Variants in SHC3 observed in about 807,000 individuals in gnomAD.
SHC3 encodes SHC adaptor protein 3.
In SHC3, 15 loss-of-function variants were observed where a neutral mutation model predicts 60.4. That is an observed-to-expected ratio of 0.25 (90% CI 0.17 to 0.38). SHC3 has a LOEUF of 0.38. Among genes scored for constraint, SHC3 ranks in the 10% least tolerant of loss-of-function variants. The probability of loss-of-function intolerance (pLI) is 1.00; values close to 1 mark genes in which losing one functional copy is unlikely to be tolerated. For synonymous variants in SHC3, 294 were observed against 325.9 expected (o/e 0.90, Z 1.05); for missense variants, 677 against 786.1 (o/e 0.86, Z 1.66).
intron 2 of SHC3, among the ~76,000 whole-genome samples, chr9:89,108,352 A>C (rs1482007466): frequency 7.0e-6 from 1 of 142,558 alleles, no homozygotes; most frequent in East Asian, 2.0e-4. Context: ...ACCTCTACCA[A>C]AAAAAAAAAA....
At chr9:89,065,462 A>C (rs1394374080) in intron 6 of SHC3, 67 bp downstream of exon 6, 4 of 1,525,098 alleles carry the variant, frequency 2.6e-6, no homozygotes, top group Admixed American at 1.7e-5. Context: ...AACGAGGACC[A>C]GCTTGTATAG....
chr9:89,083,564 G>A (rs1825480292), intron 2 of SHC3, among the ~76,000 whole-genome samples: 1 of 152,324 alleles, frequency 6.6e-6, no homozygotes, highest in African/African-American at 2.4e-5. Flanking sequence ...GTGTAGACAG[G>A]CAGAAAGGGC....
intron 2 of SHC3, among the ~76,000 whole-genome samples, chr9:89,091,722 A>G (rs1450817250): frequency 2.0e-5 from 3 of 152,170 alleles, no homozygotes; most frequent in Non-Finnish European, 2.9e-5. Flanking sequence ...ATCTTCCCCA[A>G]CTGAACTCTG....
chr9:89,013,997 G>C (rs542072148), intron 11 of SHC3, among the ~76,000 whole-genome samples: 4 of 152,060 alleles, frequency 2.6e-5, no homozygotes, highest in African/African-American at 9.7e-5. Flanking sequence ...GACATCTCCC[G>C]GCCCAGAATT....
chr9:89,027,901 C>CA (rs1826347895), intron 11 of SHC3, among the ~76,000 whole-genome samples: 3 of 152,218 alleles, frequency 2.0e-5, no homozygotes, highest in Admixed American at 2.0e-4. Context: ...AGCCAGGCTG[C>CA]AGAAAGACCA....
intron 7 of SHC3, among the ~76,000 whole-genome samples, chr9:89,051,263 A>G (rs1015071046): frequency 6.6e-6 from 1 of 152,232 alleles, no homozygotes; most frequent in Non-Finnish European, 1.5e-5. Flanking sequence ...ATAGATTTTC[A>G]TTATGCAAGT....
intron 2 of SHC3, among the ~76,000 whole-genome samples, chr9:89,085,801 C>T (rs1825520015): frequency 6.6e-6 from 1 of 152,196 alleles, no homozygotes; most frequent in African/African-American, 2.4e-5. Context: ...ACCCTCAAGG[C>T]ATTAGAGTTC....
intron 1 of SHC3, among the ~76,000 whole-genome samples, chr9:89,166,550 G>A (rs746372374): frequency 2.0e-5 from 3 of 152,226 alleles, no homozygotes; most frequent in Admixed American, 1.3e-4. Flanking sequence ...GAGAGGCTGT[G>A]AGCCAACAGC....
chr9:89,017,712 C>CCT (rs1826120645), intron 11 of SHC3, among the ~76,000 whole-genome samples: 1 of 152,092 alleles, frequency 6.6e-6, no homozygotes, highest in African/African-American at 2.4e-5. Context: ...GAACAGGCAA[C>CCT]CTACAGAATG....
intron 2 of SHC3, among the ~76,000 whole-genome samples, chr9:89,101,386 C>A (rs948970191): frequency 1.3e-5 from 2 of 151,956 alleles, no homozygotes; most frequent in Admixed American, 1.3e-4. Flanking sequence ...ATTTGAATGG[C>A]TTTTATTTTT....
chr9:89,013,500 C>A lies in SHC3; in HGVS notation c.1732G>T (p.Val578Phe). ...NHHLESSLPI[V>F]SAGSELCLQQ... ...AGACACAGCTCACTCCCTGCAGAGA[C>A]AATGGGCAGGCTGCTTTCTAGGTGG... Residue 578 changes from valine to phenylalanine, a missense_variant, in exon 12 of 12, where the codon GTC (valine) becomes TTC (phenylalanine). Physicochemically the swap from Val to Phe is conservative, Grantham distance 50 (BLOSUM62 -1). Coordinates refer to ENST00000375835, the MANE Select transcript of SHC3 (RefSeq NM_016848.6). 6.2e-7 allele frequency: 1 copy of A among 1,614,016 alleles called. No individual in the cohort carries two copies. The highest frequency in any genetic ancestry group is 1.1e-5 in the South Asian group (1 of 91,054).
At chr9:89,095,700 T>C (rs1006737421) in intron 2 of SHC3, among the ~76,000 whole-genome samples, 3 of 152,152 alleles carry the variant, frequency 2.0e-5, no homozygotes, top group African/African-American at 7.2e-5. Context: ...CTGAGAGCTA[T>C]GGGCACAGTC....
At chr9:89,123,688 G>A (rs774038160) in intron 1 of SHC3, among the ~76,000 whole-genome samples, 16 of 152,064 alleles carry the variant, frequency 1.1e-4, no homozygotes, top group Admixed American at 4.6e-4. Context: ...ACATCATTCC[G>A]TCCTCCTGTT....
intron 2 of SHC3, among the ~76,000 whole-genome samples, chr9:89,090,148 A>T (rs1408607873): frequency 1.3e-5 from 2 of 152,168 alleles, no homozygotes; most frequent in Non-Finnish European, 2.9e-5. Flanking sequence ...TGGAGATAAA[A>T]TATATCTCCA....
In SHC3 at chr9:89,068,882, T is replaced by C. The variant is rs1041365232; in HGVS notation, c.783+2317A>G. ...GCAAATATACAAGACATCTGCCTTT[T>C]ATATGTCAAACTGGGTTATCCTCCA... On this transcript the variant is annotated intron_variant, in intron 5 of 11. Transcript: ENST00000375835. Among the ~76,000 whole-genome samples, 3 of 152,224 alleles carry C rather than the reference T, an allele frequency of 2.0e-5. 1 individual carries two copies. Among genetic ancestry groups the C allele is most frequent in the African/African-American group, 7.2e-5 (3 of 41,446 alleles).
intron 11 of SHC3, among the ~76,000 whole-genome samples, chr9:89,035,860 T>TATATATATATA (rs1336399611): frequency 2.0e-5 from 2 of 100,364 alleles, no homozygotes; most frequent in African/African-American, 4.5e-5. Context: ...GATGTGTGTG[T>TATATATATATA]GTGTGTGTGT....
At chr9:89,120,640 TG>T (rs1826079202) in intron 1 of SHC3, among the ~76,000 whole-genome samples, 1 of 152,222 alleles carries the variant, frequency 6.6e-6, no homozygotes, top group African/African-American at 2.4e-5. Context: ...ATATACAAGA[TG>T]CACTTGCCCT....
intron 1 of SHC3, among the ~76,000 whole-genome samples, chr9:89,164,768 T>C (rs936276887): frequency 2.0e-5 from 3 of 152,112 alleles, no homozygotes; most frequent in Non-Finnish European, 2.9e-5. Context: ...GCTAGGATCA[T>C]AGGAAAATTT....
chr9:89,141,918 A>C (rs1016132612), intron 1 of SHC3, among the ~76,000 whole-genome samples: 6 of 152,262 alleles, frequency 3.9e-5, no homozygotes, highest in East Asian at 1.9e-4. Flanking sequence ...AGACCCATCT[A>C]TTGCAGCAAC....
Sources: gnomAD v4.1 joint callset for allele counts (sites outside exome capture counted in the v4.1 genomes callset) on GRCh38, gnomAD v4.1.1 for gene constraint, MANE v1.5 for transcripts, NCBI Gene and HGNC (gene_info 2026-07-23, HGNC 2026-07-21) for gene names.